The following PHLPP1 variants were observed in gnomAD, a reference collection of about 807,000 sequenced individuals.
PHLPP1 encodes PH domain leucine-rich repeat-containing protein phosphatase 1.
Under a neutral mutation model 117.2 loss-of-function variants are expected in PHLPP1, and 42 were observed. The ratio of observed to expected loss-of-function variants is 0.36; its 90% confidence interval spans 0.28 to 0.46. PHLPP1 has a LOEUF of 0.46. Among genes scored for constraint, PHLPP1 ranks in the 20% least tolerant of loss-of-function variants. The pLI is 1.00. For missense variants in PHLPP1, 2,084 were observed against 2,241.9 expected, an observed-to-expected ratio of 0.93 and a Z score of 1.42; for synonymous variants, 1,042 against 970.7, an observed-to-expected ratio of 1.07 and a Z score of -1.37.
At chr18:62,874,530 A>G (rs960006935) in intron 4 of PHLPP1, among the ~76,000 whole-genome samples, 1 of 152,082 alleles carries the variant, frequency 6.6e-6, no homozygotes, top group African/African-American at 2.4e-5. Context: ...AAAAAAGGGC[A>G]ATTATTTACC....
At chr18:62,784,739 C>T (rs1377105686) in intron 1 of PHLPP1, among the ~76,000 whole-genome samples, 1 of 152,196 alleles carries the variant, frequency 6.6e-6, no homozygotes, top group Non-Finnish European at 1.5e-5. Context: ...TGGAACAGAG[C>T]ACAAGCTAGT....
chr18:62,874,380 G>A lies in PHLPP1; in HGVS notation c.2066+13779G>A, dbSNP rs192748382. On this transcript the variant is annotated intron_variant, in intron 4 of 16. Transcript: ENST00000262719. Reference sequence around the variant, plus strand: ...CAAACTTAGCCGGGCATGGTGGTGCGCACCTGTAATCCCAGGTATTTGGGA... The same window carrying A: ...CAAACTTAGCCGGGCATGGTGGTGCACACCTGTAATCCCAGGTATTTGGGA... 8.4e-4 allele frequency among the ~76,000 whole-genome samples: 128 copies of A among 151,838 alleles called. 1 individual carries two copies. The highest frequency in any genetic ancestry group is 3.0e-3 in the African/African-American group (123 of 41,420).
At chr18:62,839,022 C>G in intron 3 of PHLPP1, 113 bp downstream of exon 3, 1 of 1,084,520 alleles carries the variant, frequency 9.2e-7, no homozygotes, top group Middle Eastern at 2.1e-4. Context: ...TTTTTTCCTC[C>G]CCAGATACTG....
chr18:62,948,962 CT>C (rs1910375241), intron 12 of PHLPP1, among the ~76,000 whole-genome samples: 1 of 151,824 alleles, frequency 6.6e-6, no homozygotes, highest in Non-Finnish European at 1.5e-5. Context: ...TAAAGTGTGC[CT>C]ATTTTTATGT....
chr18:62,931,337 G>A (rs953153814), intron 10 of PHLPP1, among the ~76,000 whole-genome samples: 3 of 151,928 alleles, frequency 2.0e-5, no homozygotes, highest in African/African-American at 7.3e-5. Context: ...AAAGCCTCTG[G>A]GATACAGCAA....
chr18:62,900,702 C>T (rs1916702824), intron 6 of PHLPP1, among the ~76,000 whole-genome samples: 1 of 151,994 alleles, frequency 6.6e-6, no homozygotes, highest in South Asian at 2.1e-4. Context: ...CCTTCTACTT[C>T]AGCCTCCCAA....
chr18:62,741,510 A>G (rs1911526455), intron 1 of PHLPP1, among the ~76,000 whole-genome samples: 1 of 152,132 alleles, frequency 6.6e-6, no homozygotes, highest in African/African-American at 2.4e-5. Context: ...GACGCAGATT[A>G]TCATAAAACG....
intron 3 of PHLPP1, among the ~76,000 whole-genome samples, chr18:62,844,304 A>G (rs150522798): frequency 0.011 from 1,703 of 152,300 alleles, 31 homozygotes; most frequent in African/African-American, 0.039. Context: ...GCGCCACTGC[A>G]CTCCAGCCTG....
intron 10 of PHLPP1, among the ~76,000 whole-genome samples, chr18:62,933,494 A>T (rs1909880072): frequency 6.6e-6 from 1 of 152,158 alleles, no homozygotes; most frequent in Non-Finnish European, 1.5e-5. Context: ...TGACAAAGTC[A>T]ACAAAAATAA....
intron 4 of PHLPP1, among the ~76,000 whole-genome samples, chr18:62,890,844 A>C (rs543452153): frequency 3.4e-4 from 51 of 152,098 alleles, no homozygotes; most frequent in African/African-American, 1.2e-3. Context: ...TTTTCTTCCT[A>C]GAGGAACTTT....
At chr18:62,815,955 G>A (rs2144316120) in intron 1 of PHLPP1, among the ~76,000 whole-genome samples, 1 of 152,126 alleles carries the variant, frequency 6.6e-6, no homozygotes, top group Admixed American at 6.5e-5. Context: ...AATACTCTAT[G>A]GTAACCATCT....
chr18:62,869,089 A>G (rs896721777), intron 4 of PHLPP1, among the ~76,000 whole-genome samples: 7 of 152,234 alleles, frequency 4.6e-5, no homozygotes, highest in Non-Finnish European at 7.3e-5. Context: ...TTATTGCTCT[A>G]TAGTTTGACA....
intron 7 of PHLPP1, among the ~76,000 whole-genome samples, chr18:62,904,520 T>C (rs1916799536): frequency 6.6e-6 from 1 of 152,202 alleles, no homozygotes; most frequent in Admixed American, 6.5e-5. Context: ...TAGTCAAGAT[T>C]ACATATGTTG....
intron 9 of PHLPP1, among the ~76,000 whole-genome samples, chr18:62,917,248 G>C (rs1189943014): frequency 6.7e-6 from 1 of 149,566 alleles, no homozygotes; most frequent in Admixed American, 6.7e-5. Flanking sequence ...ACAAATTCAA[G>C]ATAACTGACA....
chr18:62,865,200 C>T (rs1341355797), intron 4 of PHLPP1, among the ~76,000 whole-genome samples: 34 of 152,110 alleles, frequency 2.2e-4, no homozygotes, highest in Admixed American at 2.2e-3. Context: ...GTAGCACATG[C>T]TTGTAGTCTC....
chr18:62,825,617 C>G (rs1914591695), intron 1 of PHLPP1: 1 of 151,568 alleles, frequency 6.6e-6, no homozygotes, highest in East Asian at 2.0e-4. Context: ...CCTGCCACCA[C>G]TCCCAGCTAA....
At chr18:62,888,877 C>G in intron 4 of PHLPP1, among the ~76,000 whole-genome samples, 1 of 152,196 alleles carries the variant, frequency 6.6e-6, no homozygotes, top group East Asian at 1.9e-4. Context: ...AAAGGTCATC[C>G]ATTCACCCTT....
At chr18:62,811,647 G>C (rs530340179) in intron 1 of PHLPP1, among the ~76,000 whole-genome samples, 10 of 151,648 alleles carry the variant, frequency 6.6e-5, no homozygotes, top group African/African-American at 9.7e-5. Flanking sequence ...GATTTTGTGT[G>C]TGGTTCTAAG....
intron 1 of PHLPP1, among the ~76,000 whole-genome samples, chr18:62,721,630 G>A (rs937370259): frequency 3.9e-5 from 6 of 152,060 alleles, no homozygotes; most frequent in African/African-American, 1.4e-4. Flanking sequence ...GTTATATAGT[G>A]CTAGAGATAG....
Sources: allele counts gnomAD v4.1 joint callset (sites outside exome capture counted in the v4.1 genomes callset), GRCh38; gene constraint gnomAD v4.1.1; transcripts MANE v1.5; gene names NCBI Gene and HGNC (gene_info 2026-07-23, HGNC 2026-07-21).